CTTNBP2: variants seen among roughly 807,000 people sequenced by gnomAD.
CTTNBP2 encodes the protein cortactin-binding protein 2.
CTTNBP2 carries 108 observed loss-of-function variants against 156.9 expected under a neutral mutation model. The ratio of observed to expected loss-of-function variants is 0.69; its 90% confidence interval spans 0.59 to 0.81. The LOEUF is 0.81. CTTNBP2 is among the 30% of genes least tolerant of loss of function. CTTNBP2 has a pLI of 0.00. For missense variants in CTTNBP2, 1,924 were observed against 2,035.4 expected (o/e 0.95, Z 1.05); for synonymous variants, 767 against 751.8 (o/e 1.02, Z -0.33).
At chr7:117,864,689 C>CAT (rs1385244339) in intron 1 of CTTNBP2, among the ~76,000 whole-genome samples, 1 of 82,804 alleles carries the variant, frequency 1.2e-5, no homozygotes, top group Non-Finnish European at 3.1e-5. Flanking sequence ...TATATATATT[C>CAT]ATATATATTC....
At chr7:117,787,024 T>C (rs980574666) in intron 4 of CTTNBP2, among the ~76,000 whole-genome samples, 2 of 152,212 alleles carry the variant, frequency 1.3e-5, no homozygotes. Flanking sequence ...CCAAGTATTT[T>C]AAAACTGTAA....
intron 6 of CTTNBP2, 32 bp downstream of exon 6, chr7:117,782,830 T>C (rs761440053): frequency 1.6e-5 from 24 of 1,510,144 alleles, no homozygotes; most frequent in Non-Finnish European, 2.1e-5. Context: ...GCTCCTTTGA[T>C]GGTGGGAAAA....
intron 1 of CTTNBP2, among the ~76,000 whole-genome samples, chr7:117,861,574 C>G (rs770201261): frequency 6.6e-6 from 1 of 152,114 alleles, no homozygotes; most frequent in Non-Finnish European, 1.5e-5. Context: ...CAAAATCTCT[C>G]CAAATTACAT....
At chr7:117,758,383 C>G (rs948108880) in intron 10 of CTTNBP2, among the ~76,000 whole-genome samples, 3 of 151,820 alleles carry the variant, frequency 2.0e-5, no homozygotes, top group African/African-American at 7.3e-5. Context: ...GGTCCCTGAG[C>G]CTCTTTCCAG....
chr7:117,857,255 TTCA>T (rs2117225028), intron 2 of CTTNBP2, among the ~76,000 whole-genome samples: 1 of 152,352 alleles, frequency 6.6e-6, no homozygotes, highest in South Asian at 2.1e-4. Context: ...CTTTATGCAA[TTCA>T]GATTTTTCCA....
Position 117,725,111 on chromosome 7 carries a change from G to C in CTTNBP2, c.4202C>G (p.Ala1401Gly). 1 of 1,613,172 alleles carries C rather than the reference G, an allele frequency of 6.2e-7. No homozygotes were observed. The highest frequency in any genetic ancestry group is 8.5e-7 in the Non-Finnish European group (1 of 1,180,014). ...TTTATTTAGCAAGATGCTGAGAGCA[G>C]CTTTGACCACAGCCTGCTGTCCTTG... Reference protein sequence around the residue: ...PSQGQQAVVKAALSILLNKAV... With the variant: ...PSQGQQAVVKGALSILLNKAV... The change falls in exon 18 of 23, where the codon GCT becomes GGT. Residue 1401 changes from alanine (A) to glycine (G), a missense_variant. Physicochemically the swap from Ala to Gly is moderately conservative, Grantham distance 60. Coordinates refer to ENST00000160373, the MANE Select transcript of CTTNBP2 (RefSeq NM_033427.3).
intron 6 of CTTNBP2, among the ~76,000 whole-genome samples, chr7:117,782,204 A>T (rs940717884): frequency 2.2e-4 from 34 of 152,220 alleles, no homozygotes; most frequent in African/African-American, 8.0e-4. Flanking sequence ...ACAGGCAGAG[A>T]AAGCAACTTA....
At chr7:117,867,258 A>G (rs1804260282) in intron 1 of CTTNBP2, among the ~76,000 whole-genome samples, 1 of 152,060 alleles carries the variant, frequency 6.6e-6, no homozygotes, top group South Asian at 2.1e-4. Context: ...GCTCTTCCTA[A>G]TCCTCCATTC....
intron 2 of CTTNBP2, among the ~76,000 whole-genome samples, chr7:117,836,918 GT>G (rs1330956091): frequency 6.6e-6 from 1 of 152,176 alleles, no homozygotes; most frequent in East Asian, 1.9e-4. Context: ...CACGGGGTCT[GT>G]CCCACAACAC....
chr7:117,807,235 A>G (rs892929350), intron 3 of CTTNBP2, among the ~76,000 whole-genome samples: 5 of 152,138 alleles, frequency 3.3e-5, no homozygotes, highest in African/African-American at 9.7e-5. Context: ...GAGCTAAATA[A>G]TCTTTCATGT....
intron 12 of CTTNBP2, among the ~76,000 whole-genome samples, chr7:117,748,348 A>G (rs1796448071): frequency 6.6e-6 from 1 of 152,134 alleles, no homozygotes; most frequent in African/African-American, 2.4e-5. Context: ...AGTCCTTTTG[A>G]TATGCATAGT....
At chr7:117,741,026 T>C (rs991014127) in intron 14 of CTTNBP2, among the ~76,000 whole-genome samples, 1 of 152,160 alleles carries the variant, frequency 6.6e-6, no homozygotes, top group Non-Finnish European at 1.5e-5. Context: ...CTGAGAGCTT[T>C]AGCTTTCATT....
intron 2 of CTTNBP2, among the ~76,000 whole-genome samples, chr7:117,835,596 G>C (rs1334984401): frequency 6.6e-6 from 1 of 152,190 alleles, no homozygotes; most frequent in Non-Finnish European, 1.5e-5. Context: ...GGCCACTCTG[G>C]AGTTCTACCA....
At chr7:117,768,091 G>GCACA (rs34630353) in intron 8 of CTTNBP2, among the ~76,000 whole-genome samples, 137 of 148,458 alleles carry the variant, frequency 9.2e-4, no homozygotes, top group South Asian at 2.4e-3. Context: ...TCCTGTAAAT[G>GCACA]CACACACACA....
intron 5 of CTTNBP2, among the ~76,000 whole-genome samples, chr7:117,783,419 T>C (rs1798539113): frequency 6.6e-6 from 1 of 152,222 alleles, no homozygotes. Flanking sequence ...AAACTGCTTT[T>C]GGATGGTGGG....
At chr7:117,867,085 C>A (rs1804250539) in intron 1 of CTTNBP2, among the ~76,000 whole-genome samples, 1 of 152,206 alleles carries the variant, frequency 6.6e-6, no homozygotes, top group African/African-American at 2.4e-5. Context: ...ATTAAGAATT[C>A]AGCTAATTGT....
intron 8 of CTTNBP2, 84 bp from the exon 9 acceptor site, chr7:117,767,260 A>G: frequency 2.6e-6 from 2 of 774,032 alleles, no homozygotes; most frequent in Non-Finnish European, 4.7e-6. Context: ...AGTTGCCTAT[A>G]ACAATCACAT....
At chr7:117,811,899 TAATTA>T (rs1363099213) in intron 2 of CTTNBP2, among the ~76,000 whole-genome samples, 1 of 132,394 alleles carries the variant, frequency 7.6e-6, no homozygotes, top group Non-Finnish European at 1.6e-5. Flanking sequence ...GTAAAAATTT[TAATTA>T]AATTAAAATT....
At chr7:117,824,083 A>G (rs1467367745) in intron 2 of CTTNBP2, among the ~76,000 whole-genome samples, 1 of 151,920 alleles carries the variant, frequency 6.6e-6, no homozygotes, top group Non-Finnish European at 1.5e-5. Flanking sequence ...TAACCCTCAC[A>G]ACAGTAGATA....
Sources: gnomAD v4.1 joint callset for allele counts (sites outside exome capture counted in the v4.1 genomes callset) on GRCh38, gnomAD v4.1.1 for gene constraint, MANE v1.5 for transcripts, NCBI Gene and HGNC (gene_info 2026-07-23, HGNC 2026-07-21) for gene names.